LETM2: variants seen among roughly 807,000 people sequenced by gnomAD.
LETM2 encodes LETM1 domain-containing protein LETM2, mitochondrial.
In LETM2, 58 loss-of-function variants were observed where a neutral mutation model predicts 59.6. That is an observed-to-expected ratio of 0.97 (90% confidence interval 0.79 to 1.21). The LOEUF is 1.21. LETM2 is among the 50% of genes most tolerant of loss of function. The pLI, the probability that LETM2 is intolerant of heterozygous loss-of-function variation, is 0.00. For synonymous variants in LETM2, 199 were observed against 214.1 expected (o/e 0.93, Z 0.62); for missense variants, 572 against 575.7 (o/e 0.99, Z 0.07).
chr8:38,398,396 C>T (rs1812856785), intron 4 of LETM2, among the ~76,000 whole-genome samples: 1 of 152,206 alleles, frequency 6.6e-6, no homozygotes, highest in African/African-American at 2.4e-5. Flanking sequence ...AATATGTCTA[C>T]ATCATGGCCA....
In LETM2 at chr8:38,388,859, A is replaced by C. The variant is rs528865394; in HGVS notation, c.47+829A>C. Among the ~76,000 whole-genome samples, 6 of 151,652 alleles carry C rather than the reference A, an allele frequency of 4.0e-5. No individual in the cohort carries two copies. The South Asian group carries it at 1.3e-3, about 32-fold the overall frequency. On this transcript the variant is annotated intron_variant, in intron 2 of 10. Transcript: ENST00000379957. ...TGGCTCACTGCAACCTCCAACTCCC[A>C]GGTTCAAGAGATTTTCCTGCCTCAG...
Position 38,394,256 on chromosome 8 carries a change from C to T in LETM2, c.645+15C>T. On this transcript the variant is annotated intron_variant, in intron 4 of 10. Transcript: ENST00000379957. ...AATCCAAAAAGGTATGATTTTTTAA[C>T]TTTAATAAAATTTAATAAACCTTAT... 5.6e-6 allele frequency: 8 copies of T among 1,422,008 alleles called. No homozygotes were observed. The highest frequency in any genetic ancestry group is 7.4e-6 in the Non-Finnish European group (8 of 1,081,128). 88.1% of individuals were successfully genotyped at this position (1,422,008 alleles called of 1,614,324 possible).
intron 2 of LETM2, among the ~76,000 whole-genome samples, chr8:38,391,300 G>GTTTTTTTTTTTTTTTTTTTTTTTTTAT (rs761566202): frequency 9.2e-6 from 1 of 109,164 alleles, no homozygotes; most frequent in African/African-American, 3.5e-5. Context: ...TTTTATTTTA[G>GTTTTTTTTTTTTTTTTTTTTTTTTTAT]TTTTTTTTTT....
intron 3 of LETM2, 92 bp downstream of exon 3, chr8:38,393,087 T>A: frequency 3.5e-6 from 4 of 1,134,274 alleles, no homozygotes; most frequent in Non-Finnish European, 3.7e-6. Context: ...AACTTCATCT[T>A]AAAAATCCCA....
intron 3 of LETM2, 51 bp from the exon 4 acceptor site, chr8:38,394,047 T>C (rs925940308): frequency 3.8e-6 from 5 of 1,328,680 alleles, no homozygotes; most frequent in Non-Finnish European, 4.8e-6. Flanking sequence ...TCATTTTTGT[T>C]TTTGGCATGC....
Position 38,407,482 on chromosome 8 carries a change from TGAAAAA to T in LETM2, c.1413+24_1413+29del, listed in dbSNP as rs746681580. 3 of 1,499,592 alleles carry T rather than the reference TGAAAAA, an allele frequency of 2.0e-6. No individual in the cohort carries two copies. The highest frequency in any genetic ancestry group is 2.3e-5 in the East Asian group (1 of 44,354). 92.9% of individuals were successfully genotyped at this position (1,499,592 alleles called of 1,614,324 possible). On this transcript the variant is annotated intron_variant, in intron 10 of 10. Coordinates refer to ENST00000379957, the MANE Select transcript of LETM2 (RefSeq NM_001286819.2). ...AGAACCTGTAAGTATCTTTAATAAA[TGAAAAA>T]GAAAGAGAAGACCCTTTCCCTCTAG... is the stretch of plus-strand genomic sequence containing the variant.
rs746192491 is a variant in LETM2 at position 38,402,615 on chromosome 8, G to A, written c.1075G>A (p.Glu359Lys). 2.5e-6 allele frequency: 4 copies of A among 1,614,152 alleles called. No homozygotes were observed. In the South Asian group the frequency reaches 3.3e-5, roughly 13 times the overall value. The change falls in exon 7 of 11, where the codon GAG becomes AAG. Residue 359 changes from glutamate (E) to lysine (K), a missense_variant. Coordinates refer to ENST00000379957, the MANE Select transcript of LETM2 (RefSeq NM_001286819.2). ...AGGGATGAGATCACTGGGTCTCACG[G>A]AGGAACAACTGCGACAACAGCTCAC... is the stretch of plus-strand genomic sequence containing the variant. ...ARGMRSLGLTEEQLRQQLTEW... is the reference protein window; with the variant it reads ...ARGMRSLGLTKEQLRQQLTEW...
Position 38,392,806 on chromosome 8 carries a change from C to G in LETM2, c.312C>G (p.Ser104Arg), listed in dbSNP as rs369522263. 2.0e-5 allele frequency: 32 copies of G among 1,613,968 alleles called. No individual in the cohort carries two copies. The African/African-American group carries it at 4.3e-4, about 22-fold the overall frequency. The part of the protein sequence containing the change: ...EQATKHPQVT[S>R]PQATKETGME... ...CCACAAAACATCCACAGGTGACAAG[C>G]CCTCAGGCCACAAAAGAAACTGGCA... The change falls in exon 3 of 11, where the codon AGC (serine) becomes AGG (arginine). Residue 104 changes from serine to arginine, a missense_variant. Coordinates refer to ENST00000379957, the MANE Select transcript of LETM2 (RefSeq NM_001286819.2).
chr8:38,393,970 C>T, intron 3 of LETM2, 128 bp from the exon 4 acceptor site: 8 of 748,524 alleles, frequency 1.1e-5, no homozygotes, highest in African/African-American at 1.8e-5. Context: ...GACTGGGCAA[C>T]ATAGTGAGAC....
Position 38,392,564 on chromosome 8 carries a change from C to T in LETM2, c.70C>T (p.Pro24Ser). Residue 24 changes from proline to serine, a missense_variant, in exon 3 of 11, where the codon CCT (proline) becomes TCT (serine). Pro to Ser is a moderately conservative substitution (Grantham distance 74). Transcript: ENST00000379957. The part of the protein sequence containing the change: ...RTRFPSHFVH[P>S]TCSSYSPSCA... ...CAGATTCCCTAGCCATTTTGTCCAT[C>T]CTACCTGCTCTTCTTATTCCCCATC... The T allele has an allele frequency of 6.2e-7, 1 of 1,610,608 alleles. No homozygotes were observed. The highest frequency in any genetic ancestry group is 8.5e-7 in the Non-Finnish European group (1 of 1,179,202).
rs1386990673 is a variant in LETM2 at position 38,401,001 on chromosome 8, T to C, written c.932T>C (p.Leu311Pro). 6.2e-7 allele frequency: 1 copy of C among 1,614,132 alleles called. No homozygotes were observed. Among genetic ancestry groups the C allele is most frequent in the South Asian group, 1.1e-5 (1 of 91,090 alleles). ...TTGCAGACATTTGGAACCAACAACC[T>C]GCTCCGCTTTCAGCTCCTGATGAAA... ...LELQTFGTNN[L>P]LRFQLLMKLK... Residue 311 changes from leucine to proline, a missense_variant, in exon 6 of 11, where the codon CTG (leucine) becomes CCG (proline). Leu to Pro is a moderately conservative substitution (Grantham distance 98). Transcript: ENST00000379957.
In LETM2 at chr8:38,400,895, T is replaced by G; in HGVS notation, c.826T>G (p.Phe276Val). 6.2e-7 allele frequency: 1 copy of G among 1,614,216 alleles called. No homozygotes were observed. The highest frequency in any genetic ancestry group is 1.7e-5 in the Admixed American group (1 of 60,026). The part of the protein sequence containing the change: ...HKPSTKEIVR[F>V]SKLFEDQLAL... ...GCCCAGCACAAAGGAGATAGTTCGC[T>G]TCTCCAAACTATTTGAGGACCAGCT... Residue 276 changes from phenylalanine (F) to valine (V), a missense_variant, in exon 6 of 11, where the codon TTC (phenylalanine) becomes GTC (valine). By Grantham distance (50) the Phe-to-Val change is conservative (BLOSUM62 -1). Transcript: ENST00000379957.
rs745727874 is a variant in LETM2, at chr8:38,400,964, A to G, written c.895A>G (p.Lys299Glu). 7 of 1,614,038 alleles carry G rather than the reference A, an allele frequency of 4.3e-6. No individual in the cohort carries two copies. Among genetic ancestry groups the G allele is most frequent in the Non-Finnish European group, 5.1e-6 (6 of 1,180,024 alleles). The change falls in exon 6 of 11, where the codon AAA becomes GAA. Residue 299 changes from lysine to glutamate, a missense_variant. Coordinates refer to ENST00000379957, the MANE Select transcript of LETM2 (RefSeq NM_001286819.2). ...TCGCCCTCAGCTGGTTGCCCTTTGC[A>G]AACTGCTGGAATTGCAGACATTTGG... The part of the protein sequence containing the change: ...LDRPQLVALC[K>E]LLELQTFGTN...
intron 4 of LETM2, among the ~76,000 whole-genome samples, chr8:38,399,923 G>A (rs899017882): frequency 6.6e-6 from 1 of 152,074 alleles, no homozygotes; most frequent in East Asian, 1.9e-4. Flanking sequence ...CCCAGCCTGG[G>A]CAACAGAGTG....
chr8:38,392,644 CTA>C lies in LETM2; in HGVS notation c.152_153del (p.Tyr51Ter). ...ATTTAAATAAGACATGTATGAAGAA[CTA>C]TGAGAGCAAGAAGTACTCGGATCCT... ...SHLNKTCMKN[Y>X]ESKKYSDPSQ... On this transcript the variant is annotated frameshift_variant, in exon 3 of 11. Transcript: ENST00000379957. LOFTEE classifies it high-confidence loss of function. The C allele has an allele frequency of 6.2e-7, 1 of 1,613,956 alleles. No homozygotes were observed. The highest frequency in any genetic ancestry group is 8.5e-7 in the Non-Finnish European group (1 of 1,179,894).
chr8:38,386,774 G>C (rs1434073501), intron 1 of LETM2: 1 of 152,730 alleles, frequency 6.5e-6, no homozygotes, highest in Non-Finnish European at 1.5e-5. Flanking sequence ...TCTGAAGCTC[G>C]GCCTCTCCTC....
At position 38,388,047 on chromosome 8, in the gene LETM2, C is replaced by G; in HGVS notation, c.47+17C>G. The G allele has an allele frequency of 6.8e-7, 1 of 1,469,980 alleles. No homozygotes were observed. Among genetic ancestry groups the G allele is most frequent in the Admixed American group, 2.0e-5 (1 of 49,508 alleles). The allele number at this position is 1,469,980 out of a possible 1,614,324, so 91.1% of individuals were successfully genotyped here. A position where few individuals can be genotyped will look rare whatever the true frequency, so the allele number is the denominator to read the frequency against. ...TCGAACAAGGTAAGCATTGGAGTTA[C>G]CCCCCAATATGAACGTAATTCTTCT... On this transcript the variant is annotated intron_variant, in intron 2 of 10. Coordinates refer to ENST00000379957, the MANE Select transcript of LETM2 (RefSeq NM_001286819.2).
chr8:38,409,393 C>T lies in LETM2; in HGVS notation c.*1119C>T, dbSNP rs1814003762. 6.6e-6 allele frequency: 1 copy of T among 152,202 alleles called. No individual in the cohort carries two copies. Among genetic ancestry groups the T allele is most frequent in the African/African-American group, 2.4e-5 (1 of 41,454 alleles). The allele number at this position is 152,202 out of a possible 1,614,324, so 9.4% of individuals were successfully genotyped here. ...CTACAATGCTTTCTAAATTTGTGCTCCATCAGAGAAGCCCCACCATGTCCC... is the reference window on the plus strand; with the variant it reads ...CTACAATGCTTTCTAAATTTGTGCTTCATCAGAGAAGCCCCACCATGTCCC... On this transcript the variant is annotated 3_prime_UTR_variant, in exon 11 of 11. Transcript: ENST00000379957.
At position 38,402,507 on chromosome 8, in the gene LETM2, CCCTTA is replaced by C. The variant is rs770577887; in HGVS notation, c.985-16_985-12del. On this transcript the variant is annotated splice_polypyrimidine_tract_variant and intron_variant, in intron 6 of 10. Coordinates refer to ENST00000379957, the MANE Select transcript of LETM2 (RefSeq NM_001286819.2). ...TTGGAATCAAAAGTTCCAACTCCAT[CCCTTA>C]CATTTCTTTCAGATAATTGCCAAGG... 2 of 1,613,012 alleles carry C rather than the reference CCCTTA, an allele frequency of 1.2e-6. No homozygotes were observed. Among genetic ancestry groups the C allele is most frequent in the East Asian group, 2.2e-5 (1 of 44,868 alleles).
Sources: allele counts gnomAD v4.1 joint callset (sites outside exome capture counted in the v4.1 genomes callset), GRCh38; gene constraint gnomAD v4.1.1; transcripts MANE v1.5; gene names NCBI Gene and HGNC (gene_info 2026-07-23, HGNC 2026-07-21).